ATXN2L: variants seen among roughly 807,000 people sequenced by gnomAD.
The protein encoded by ATXN2L is ataxin-2-like protein.
A neutral mutation model predicts 120.7 loss-of-function variants in ATXN2L; 24 were observed. The observed-to-expected ratio is 0.20, with a 90% CI of 0.14 to 0.28. The LOEUF (loss-of-function observed/expected upper bound fraction) is 0.28. Ranked by LOEUF, ATXN2L falls within the 10% of genes least tolerant of loss-of-function variation. ATXN2L has a pLI of 1.00. For synonymous variants in ATXN2L, 653 were observed against 568.1 expected, an observed-to-expected ratio of 1.15 and a Z score of -2.13; for missense variants, 1,312 against 1,432.3, an observed-to-expected ratio of 0.92 and a Z score of 1.36.
At position 28,832,818 on chromosome 16, in the gene ATXN2L, C is replaced by T. The variant is rs1255516121; in HGVS notation, c.1590C>T (p.Val530=). ...PQELARIAGK[V]PGLQNEQKRF... is the part of the protein sequence containing the mutation. The stretch of plus-strand genomic sequence containing the variant: ...TTCTTTTTGACTGTTTTCTCATAGT[C>T]CCTGGTCTTCAGAATGAACAGAAAC... The change falls in exon 13 of 22, where the codon GTC becomes GTT. Residue 530 remains valine, a splice_region_variant and synonymous_variant. Transcript: ENST00000336783. The T allele has an allele frequency of 6.2e-7, 1 of 1,614,046 alleles. No homozygotes were observed. The highest frequency in any genetic ancestry group is 8.5e-7 in the Non-Finnish European group (1 of 1,179,942).
chr16:28,825,924 T>A, intron 4 of ATXN2L, 83 bp downstream of exon 4: 1 of 1,321,330 alleles, frequency 7.6e-7, no homozygotes, highest in Non-Finnish European at 1.1e-6. Flanking sequence ...GTCAATTGGG[T>A]GATGTCAGAG....
At chr16:28,824,683 G>C in intron 1 of ATXN2L, 1 of 900,786 alleles carries the variant, frequency 1.1e-6, no homozygotes, top group Non-Finnish European at 1.5e-6. Flanking sequence ...GAGCTAGGTA[G>C]TTCCAAAGCT....
intron 19 of ATXN2L, 32 bp from the exon 20 acceptor site, chr16:28,835,246 T>C (rs1959960103): frequency 1.9e-6 from 3 of 1,613,448 alleles, no homozygotes; most frequent in Admixed American, 1.7e-5. Flanking sequence ...TCTGGTGTGC[T>C]CAGCACTGGT....
Position 28,824,458 on chromosome 16 carries a change from C to G in ATXN2L, c.299+900C>G, listed in dbSNP as rs1027011111. On this transcript the variant is annotated intron_variant, in intron 1 of 21. Transcript: ENST00000336783. The stretch of plus-strand genomic sequence containing the variant: ...GCGGCTGCGCTGTCCCCCAGCCCCG[C>G]CAGCGGCCCCCTCTTCGCCCTCAAC... 55 of 1,287,470 alleles carry G rather than the reference C, an allele frequency of 4.3e-5. No homozygotes were observed. In the African/African-American group the frequency reaches 8.1e-4, roughly 19 times the overall value. The allele number at this position is 1,287,470 out of a possible 1,614,324, so 79.8% of individuals were successfully genotyped here.
At position 28,833,237 on chromosome 16, in the gene ATXN2L, C is replaced by T. The variant is rs1249558389; in HGVS notation, c.1838C>T (p.Ala613Val). ...GATAAGGAGGACAAACCACCCCTGGCACCATCAGGAGGCACTGAGGGGCCA... is the reference window on the plus strand; with the variant it reads ...GATAAGGAGGACAAACCACCCCTGGTACCATCAGGAGGCACTGAGGGGCCA... ...VSDKEDKPPLAPSGGTEGPEQ... is the reference protein window; with the variant it reads ...VSDKEDKPPLVPSGGTEGPEQ... Residue 613 changes from alanine to valine, a missense_variant, in exon 14 of 22, where the codon GCA becomes GTA. Transcript: ENST00000336783. The T allele has an allele frequency of 3.7e-6, 6 of 1,614,116 alleles. No individual in the cohort carries two copies. Among genetic ancestry groups the T allele is most frequent in the African/African-American group, 1.3e-5 (1 of 74,944 alleles).
rs2055135740 is a variant in ATXN2L, at chr16:28,833,093, A to G, written c.1694A>G (p.Asp565Gly). The change falls in exon 14 of 22, where the codon GAT becomes GGT. Residue 565 changes from aspartate (D) to glycine (G), a missense_variant. Asp to Gly is a moderately conservative substitution (Grantham distance 94, BLOSUM62 -1). Transcript: ENST00000336783. ...AGTAGCTCCCCTGAGAACAGCCTGGATCCTTTTCCTCCCCGGATCTTAAAG... is the reference window on the plus strand; with the variant it reads ...AGTAGCTCCCCTGAGAACAGCCTGGGTCCTTTTCCTCCCCGGATCTTAAAG... ...QPSSSPENSL[D>G]PFPPRILKEE... 1 of 1,614,214 alleles carries G rather than the reference A, an allele frequency of 6.2e-7. No homozygotes were observed. The highest frequency in any genetic ancestry group is 1.3e-5 in the African/African-American group (1 of 75,058).
At chr16:28,829,114 A>G (rs1389101901) in intron 6 of ATXN2L, among the ~76,000 whole-genome samples, 1 of 151,858 alleles carries the variant, frequency 6.6e-6, no homozygotes, top group Non-Finnish European at 1.5e-5. Flanking sequence ...TCTCTCCTCA[A>G]TCTCCTGAGT....
At chr16:28,834,307 C>T (rs373149050) in intron 16 of ATXN2L, 36 bp from the exon 17 acceptor site, 12 of 1,611,256 alleles carry the variant, frequency 7.4e-6, no homozygotes, top group South Asian at 3.3e-5. Flanking sequence ...CATTCGTGAG[C>T]GAGTCATTCA....
In ATXN2L at chr16:28,830,010, C is replaced by T; in HGVS notation, c.986C>T (p.Ala329Val). 2.5e-6 allele frequency: 4 copies of T among 1,614,188 alleles called. No homozygotes were observed. The highest frequency in any genetic ancestry group is 3.4e-6 in the Non-Finnish European group (4 of 1,180,022). Reference sequence around the variant, plus strand: ...CGCACTGAAGAGGAGAAGCACAGTGCAGTCCAGCGGCAGGGCTCAGGGCGG... The same window carrying T: ...CGCACTGAAGAGGAGAAGCACAGTGTAGTCCAGCGGCAGGGCTCAGGGCGG... ...DGRTEEEKHS[A>V]VQRQGSGRES... Residue 329 changes from alanine to valine, a missense_variant, in exon 8 of 22, where the codon GCA becomes GTA. By Grantham distance (64) the Ala-to-Val change is moderately conservative. Coordinates refer to ENST00000336783, the MANE Select transcript of ATXN2L (RefSeq NM_007245.4).
At position 28,835,070 on chromosome 16, in the gene ATXN2L, C is replaced by G. The variant is rs767980985; in HGVS notation, c.2446C>G (p.Pro816Ala). ...TCTGTCCCGCCAGCCGGTGTTTGCC[C>G]CCATGCTTCAGAGCAACCCACGCAT... is the stretch of plus-strand genomic sequence containing the variant. The part of the protein sequence containing the change: ...AHYPSQPVFA[P>A]MLQSNPRMLT... The change falls in exon 19 of 22, where the codon CCC becomes GCC. Residue 816 changes from proline (P) to alanine (A), a missense_variant. Physicochemically the swap from Pro to Ala is conservative, Grantham distance 27. Coordinates refer to ENST00000336783, the MANE Select transcript of ATXN2L (RefSeq NM_007245.4). 2 of 1,612,664 alleles carry G rather than the reference C, an allele frequency of 1.2e-6. No homozygotes were observed. Among genetic ancestry groups the G allele is most frequent in the South Asian group, 2.2e-5 (2 of 90,888 alleles).
chr16:28,833,417 T>C (rs374598287), intron 14 of ATXN2L, 22 bp from the exon 15 acceptor site: 1 of 1,614,004 alleles, frequency 6.2e-7, no homozygotes, highest in Non-Finnish European at 8.5e-7. Context: ...GCCGTGAAGA[T>C]TTACTGTACT....
At chr16:28,826,571 T>G in intron 5 of ATXN2L, 181 bp downstream of exon 5, 1 of 677,740 alleles carries the variant, frequency 1.5e-6, no homozygotes, top group Non-Finnish European at 2.4e-6. Flanking sequence ...TAAAAATATG[T>G]CTTGATGTCT....
chr16:28,823,460 C>A lies in ATXN2L; in HGVS notation c.201C>A (p.Ser67Arg). ...PCLGPVAAAG[S>R]GLRRGAEGIL... Reference sequence around the variant, plus strand: ...TGGGGCCTGTGGCCGCTGCCGGGAGCGGGCTCCGCCGGGGAGCCGAAGGCA... The same window carrying A: ...TGGGGCCTGTGGCCGCTGCCGGGAGAGGGCTCCGCCGGGGAGCCGAAGGCA... The change falls in exon 1 of 22, where the codon AGC (serine) becomes AGA (arginine). Residue 67 changes from serine (S) to arginine (R), a missense_variant. Physicochemically the swap from Ser to Arg is moderately radical, Grantham distance 110. Transcript: ENST00000336783. The A allele has an allele frequency of 7.5e-7, 1 of 1,332,868 alleles. No homozygotes were observed. Among genetic ancestry groups the A allele is most frequent in the Non-Finnish European group, 9.5e-7 (1 of 1,047,466 alleles). The allele number at this position is 1,332,868 out of a possible 1,614,324, so 82.6% of individuals were successfully genotyped here.
At chr16:28,825,748 C>T (rs1335446204) in intron 3 of ATXN2L, 22 bp from the exon 4 acceptor site, 14 of 1,613,740 alleles carry the variant, frequency 8.7e-6, no homozygotes, top group Non-Finnish European at 1.2e-5. Flanking sequence ...AGACACTCTT[C>T]TTATTTTTCC....
intron 10 of ATXN2L, among the ~76,000 whole-genome samples, chr16:28,831,832 A>G (rs1418264419): frequency 1.3e-5 from 2 of 152,208 alleles, no homozygotes; most frequent in East Asian, 3.8e-4. Flanking sequence ...TTGCAGTGAG[A>G]TGGCATCACA....
chr16:28,830,675 A>G lies in ATXN2L; in HGVS notation c.1095A>G (p.Arg365=). ...GGGAAGGTCCCCGGGGAGGAGTTCG[A>G]TGCAGCAGCTCTCGGGGCGGTCGGC... is the stretch of plus-strand genomic sequence containing the variant. The part of the protein sequence containing the change: ...RVREGPRGGV[R]CSSSRGGRPG... Residue 365 remains arginine (R), a synonymous_variant, in exon 9 of 22, where the codon CGA becomes CGG. Coordinates refer to ENST00000336783, the MANE Select transcript of ATXN2L (RefSeq NM_007245.4). 6.2e-7 allele frequency: 1 copy of G among 1,613,382 alleles called. No individual in the cohort carries two copies. The highest frequency in any genetic ancestry group is 8.5e-7 in the Non-Finnish European group (1 of 1,179,722).
chr16:28,825,512 G>A (rs2051560264), intron 2 of ATXN2L, 110 bp downstream of exon 2: 2 of 1,533,574 alleles, frequency 1.3e-6, no homozygotes, highest in Non-Finnish European at 9.0e-7. Flanking sequence ...CAGGAGGGCT[G>A]TGGGCCCGGC....
In ATXN2L at chr16:28,832,352, G is replaced by A; in HGVS notation, c.1469G>A (p.Gly490Asp). Reference sequence around the variant, plus strand: ...TCATCAGTCTCAGATCCTGGAGTGGGCTCCATTTCTCCAGCTTCTCCAAAG... The same window carrying A: ...TCATCAGTCTCAGATCCTGGAGTGGACTCCATTTCTCCAGCTTCTCCAAAG... ...VTSSVSDPGV[G>D]SISPASPKIS... The change falls in exon 11 of 22, where the codon GGC (glycine) becomes GAC (aspartate). Residue 490 changes from glycine to aspartate, a missense_variant. Physicochemically the swap from Gly to Asp is moderately conservative, Grantham distance 94 (BLOSUM62 -1). Transcript: ENST00000336783. The A allele has an allele frequency of 6.2e-7, 1 of 1,614,176 alleles. No individual in the cohort carries two copies. Among genetic ancestry groups the A allele is most frequent in the Non-Finnish European group, 8.5e-7 (1 of 1,180,052 alleles).
Position 28,826,916 on chromosome 16 carries a change from A to G in ATXN2L, c.671A>G (p.Lys224Arg). Reference sequence around the variant, plus strand: ...AACTCGAAAGTGAATGGGGAACACAAAGAGAAGGTGCTTCAGCGCTGGGAG... The same window carrying G: ...AACTCGAAAGTGAATGGGGAACACAGAGAGAAGGTGCTTCAGCGCTGGGAG... Reference protein sequence around the residue: ...AMNSKVNGEHKEKVLQRWEGG... With the variant: ...AMNSKVNGEHREKVLQRWEGG... Residue 224 changes from lysine to arginine, a missense_variant, in exon 6 of 22, where the codon AAA becomes AGA. Coordinates refer to ENST00000336783, the MANE Select transcript of ATXN2L (RefSeq NM_007245.4). 6.3e-7 allele frequency: 1 copy of G among 1,599,564 alleles called. No homozygotes were observed. The highest frequency in any genetic ancestry group is 1.3e-5 in the African/African-American group (1 of 74,606).
Sources: gnomAD v4.1 joint callset for allele counts (sites outside exome capture counted in the v4.1 genomes callset) on GRCh38, gnomAD v4.1.1 for gene constraint, MANE v1.5 for transcripts, NCBI Gene and HGNC (gene_info 2026-07-23, HGNC 2026-07-21) for gene names.